CDC42SE2: variants seen among roughly 807,000 people sequenced by gnomAD.
The protein encoded by CDC42SE2 is CDC42 small effector 2, also known as CDC42 small effector protein 2.
A neutral mutation model predicts 11.5 loss-of-function variants in CDC42SE2; 3 were observed. The observed-to-expected ratio is 0.26, with a 90% CI of 0.12 to 0.67. The LOEUF is 0.67. CDC42SE2 is among the 30% of genes least tolerant of loss of function. CDC42SE2 has a pLI of 0.80. For synonymous variants in CDC42SE2, 33 were observed against 34.8 expected (o/e 0.95, Z 0.18); for missense variants, 82 against 106.8 (o/e 0.77, Z 1.02).
chr5:131,263,237 AG>A (rs1207114444), upstream of CDC42SE2, among the ~76,000 whole-genome samples: 2 of 152,068 alleles, frequency 1.3e-5, no homozygotes, highest in Non-Finnish European at 2.9e-5. Flanking sequence ...GATGATATAA[AG>A]TTTTTGGCCT....
At chr5:131,293,990 C>T (rs1397954402) in intron 1 of CDC42SE2, among the ~76,000 whole-genome samples, 1 of 152,126 alleles carries the variant, frequency 6.6e-6, no homozygotes, top group Non-Finnish European at 1.5e-5. Flanking sequence ...TCAGGACCCC[C>T]TGTATTTACT....
intron 1 of CDC42SE2, among the ~76,000 whole-genome samples, chr5:131,274,644 T>G (rs1344558170): frequency 6.6e-6 from 1 of 152,212 alleles, no homozygotes; most frequent in Non-Finnish European, 1.5e-5. Flanking sequence ...AAAACCAGAA[T>G]ACTTAATACC....
chr5:131,254,270 G>A (rs1192238185), intron 1 of CDC42SE2, among the ~76,000 whole-genome samples: 2 of 152,060 alleles, frequency 1.3e-5, no homozygotes, highest in Non-Finnish European at 2.9e-5. Flanking sequence ...GGTTGGGCAC[G>A]GTGGCTCACT....
chr5:131,218,655 C>A, the CDC42SE2 span, among the ~76,000 whole-genome samples: 1 of 152,094 alleles, frequency 6.6e-6, no homozygotes, highest in African/African-American at 2.4e-5. Flanking sequence ...TATATTCATA[C>A]CATGAGATAC....
intron 2 of CDC42SE2, among the ~76,000 whole-genome samples, chr5:131,345,058 G>T (rs1758805951): frequency 6.6e-6 from 1 of 152,170 alleles, no homozygotes; most frequent in Non-Finnish European, 1.5e-5. Flanking sequence ...AACTAGAGCA[G>T]AAAATCTGAA....
Position 131,279,582 on chromosome 5 carries a change from CTG to C in CDC42SE2, c.-455+15419_-455+15420del, listed in dbSNP as rs142768785. Among the ~76,000 whole-genome samples the C allele has an allele frequency of 3.7e-3, 555 of 151,848 alleles. 2 individuals carry two copies. The highest frequency in any genetic ancestry group is 6.1e-3 in the Non-Finnish European group (413 of 67,978). On this transcript the variant is annotated intron_variant, in intron 1 of 4. Transcript: ENST00000505065. ...CTCTGATAATTTACTTTCTTCTACTCTGTGATTTCTTTTACAAATCAATGAAA... is the reference window on the plus strand; with the variant it reads ...CTCTGATAATTTACTTTCTTCTACTCTGATTTCTTTTACAAATCAATGAAA...
chr5:131,351,145 C>A (rs1758999893), intron 2 of CDC42SE2, among the ~76,000 whole-genome samples: 1 of 151,918 alleles, frequency 6.6e-6, no homozygotes, highest in Non-Finnish European at 1.5e-5. Context: ...CGGGACTTTG[C>A]TGCCCAGTTG....
intron 1 of CDC42SE2, among the ~76,000 whole-genome samples, chr5:131,286,903 T>A (rs7701074): frequency 2.6e-5 from 4 of 151,756 alleles, no homozygotes; most frequent in African/African-American, 7.3e-5. Context: ...CAAAAGTTAC[T>A]TGCAGATTTT....
chr5:131,386,848 T>A (rs1438464826), intron 4 of CDC42SE2, among the ~76,000 whole-genome samples: 1 of 151,412 alleles, frequency 6.6e-6, no homozygotes, highest in African/African-American at 2.5e-5. Context: ...ACCAACTTAC[T>A]AGACAGCATT....
At chr5:131,303,753 G>A (rs1487190182) in intron 1 of CDC42SE2, among the ~76,000 whole-genome samples, 2 of 152,120 alleles carry the variant, frequency 1.3e-5, no homozygotes, top group African/African-American at 4.8e-5. Flanking sequence ...CTCATTCATT[G>A]GAGTTGTGCC....
At chr5:131,336,275 C>T (rs1265684115) in intron 2 of CDC42SE2, among the ~76,000 whole-genome samples, 1 of 152,158 alleles carries the variant, frequency 6.6e-6, no homozygotes, top group Non-Finnish European at 1.5e-5. Context: ...ATTCTTAATT[C>T]TTTAAGAATG....
At chr5:131,255,158 G>A (rs537778407) in exon 2 of CDC42SE2, 20 of 152,206 alleles carry the variant, frequency 1.3e-4, no homozygotes, top group South Asian at 8.3e-4. Flanking sequence ...CTAAGCTGTC[G>A]GGTACCATAG....
At chr5:131,339,339 A>T (rs1186035444) in intron 2 of CDC42SE2, among the ~76,000 whole-genome samples, 1 of 151,440 alleles carries the variant, frequency 6.6e-6, no homozygotes, top group African/African-American at 2.4e-5. Flanking sequence ...TAAGATAATG[A>T]TAAGGAAACA....
upstream of CDC42SE2, among the ~76,000 whole-genome samples, chr5:131,243,925 T>C (rs942219802): frequency 2.0e-5 from 3 of 152,016 alleles, no homozygotes; most frequent in South Asian, 2.1e-4. Context: ...CAGAAGACAA[T>C]AGAATGGCTG....
intron 1 of CDC42SE2, among the ~76,000 whole-genome samples, chr5:131,270,010 G>A (rs1756959264): frequency 6.6e-6 from 1 of 152,050 alleles, no homozygotes; most frequent in East Asian, 1.9e-4. Flanking sequence ...GCAGTGAGCT[G>A]GGATGGCACC....
chr5:131,313,584 C>T (rs936883303), intron 1 of CDC42SE2, among the ~76,000 whole-genome samples: 1 of 152,136 alleles, frequency 6.6e-6, no homozygotes, highest in Non-Finnish European at 1.5e-5. Context: ...TATCCTTTCT[C>T]TGCTGGATTG....
At chr5:131,210,072 G>C in the CDC42SE2 span, among the ~76,000 whole-genome samples, 2 of 152,308 alleles carry the variant, frequency 1.3e-5, no homozygotes, top group African/African-American at 4.8e-5. Context: ...CTCTTGCCCT[G>C]TGATAAGCCG....
At chr5:131,358,558 A>G (rs1226186884) in intron 2 of CDC42SE2, among the ~76,000 whole-genome samples, 2 of 152,128 alleles carry the variant, frequency 1.3e-5, no homozygotes, top group Non-Finnish European at 2.9e-5. Context: ...AAGGATTCTG[A>G]TAGACTCAGC....
upstream of CDC42SE2, chr5:131,261,572 A>T (rs1271055443): frequency 6.6e-6 from 1 of 152,182 alleles, no homozygotes; most frequent in Non-Finnish European, 1.5e-5. Flanking sequence ...TATCATCCAG[A>T]CCAGACACCG....
Sources: allele counts gnomAD v4.1 joint callset (sites outside exome capture counted in the v4.1 genomes callset), GRCh38; gene constraint gnomAD v4.1.1; transcripts MANE v1.5; gene names NCBI Gene and HGNC (gene_info 2026-07-23, HGNC 2026-07-21).